The following TCEA1 variants were observed in gnomAD, a reference collection of about 807,000 sequenced individuals.
TCEA1 encodes the protein transcription elongation factor A1.
In TCEA1, 21 loss-of-function variants were observed where a neutral mutation model predicts 43.8. The observed-to-expected ratio is 0.48, with a 90% CI of 0.34 to 0.69. The LOEUF (loss-of-function observed/expected upper bound fraction) is 0.69, where lower values mean the gene tolerates loss of function less well. Among genes scored for constraint, TCEA1 ranks in the 30% least tolerant of loss-of-function variants. TCEA1 has a pLI of 0.01. For missense variants in TCEA1, 250 were observed against 365.1 expected, an observed-to-expected ratio of 0.68 and a Z score of 2.57; for synonymous variants, 104 against 117.5, an observed-to-expected ratio of 0.88 and a Z score of 0.75.
Position 53,987,043 on chromosome 8 carries a change from G to T in TCEA1, c.467-18C>A. The T allele has an allele frequency of 6.3e-7, 1 of 1,575,562 alleles. No individual in the cohort carries two copies. The highest frequency in any genetic ancestry group is 8.6e-7 in the Non-Finnish European group (1 of 1,161,630). On this transcript the variant is annotated intron_variant, in intron 5 of 9. Coordinates refer to ENST00000521604, the MANE Select transcript of TCEA1 (RefSeq NM_006756.4). The stretch of plus-strand genomic sequence containing the variant: ...GTAGTCATCTAAAAATAGGCATAAA[G>T]AATTGTCAAATTATTGTAACAGATT...
intron 1 of TCEA1, among the ~76,000 whole-genome samples, chr8:54,016,748 G>A (rs1327763086): frequency 6.6e-6 from 1 of 152,070 alleles, no homozygotes; most frequent in African/African-American, 2.4e-5. Context: ...GGCCAAGACA[G>A]GCGGATTATG....
chr8:53,998,997 G>A (rs747920862), intron 3 of TCEA1, among the ~76,000 whole-genome samples: 2 of 152,162 alleles, frequency 1.3e-5, no homozygotes, highest in Non-Finnish European at 2.9e-5. Context: ...GGGAGGCCAA[G>A]GCGGGCAGAT....
At chr8:53,968,744 T>G (rs1343823703) in intron 9 of TCEA1, among the ~76,000 whole-genome samples, 1 of 151,900 alleles carries the variant, frequency 6.6e-6, no homozygotes, top group Admixed American at 6.6e-5. Flanking sequence ...CAGGGGAATC[T>G]CTTGAACCCG....
At chr8:53,968,762 A>C (rs1031240298) in intron 9 of TCEA1, among the ~76,000 whole-genome samples, 2 of 152,242 alleles carry the variant, frequency 1.3e-5, no homozygotes, top group Admixed American at 6.5e-5. Context: ...CCGGGGCCAC[A>C]GAACAAGACT....
chr8:54,015,886 C>A (rs1033038401), intron 1 of TCEA1, among the ~76,000 whole-genome samples: 14 of 152,162 alleles, frequency 9.2e-5, no homozygotes, highest in Non-Finnish European at 1.9e-4. Context: ...ACATTTATTT[C>A]TCCATAGAAG....
intron 1 of TCEA1, among the ~76,000 whole-genome samples, chr8:54,018,814 A>C (rs1268567943): frequency 6.6e-6 from 1 of 152,228 alleles, no homozygotes; most frequent in Non-Finnish European, 1.5e-5. Context: ...CAGCAAGTTC[A>C]TACTCTTACT....
intron 1 of TCEA1, among the ~76,000 whole-genome samples, chr8:54,013,694 A>AC (rs1586038092): frequency 6.8e-6 from 1 of 147,892 alleles, no homozygotes; most frequent in Non-Finnish European, 1.5e-5. Context: ...AAAAAAAAAA[A>AC]AAAAAAAACA....
chr8:54,006,921 T>G (rs1333483959), intron 2 of TCEA1, among the ~76,000 whole-genome samples: 2 of 151,992 alleles, frequency 1.3e-5, no homozygotes, highest in Non-Finnish European at 2.9e-5. Flanking sequence ...CACTGCAACC[T>G]CCGCCTCCTG....
At chr8:54,017,751 T>A (rs1217473097) in intron 1 of TCEA1, among the ~76,000 whole-genome samples, 1 of 152,128 alleles carries the variant, frequency 6.6e-6, no homozygotes, top group Non-Finnish European at 1.5e-5. Context: ...TAAAATCCCA[T>A]CTCTACTAAA....
At chr8:53,974,373 T>G (rs561000981) in intron 8 of TCEA1, among the ~76,000 whole-genome samples, 1 of 152,254 alleles carries the variant, frequency 6.6e-6, no homozygotes, top group Non-Finnish European at 1.5e-5. Flanking sequence ...TAATTGTGGA[T>G]GACTGACAAA....
chr8:54,016,839 T>A (rs1804843474), intron 1 of TCEA1, among the ~76,000 whole-genome samples: 2 of 151,786 alleles, frequency 1.3e-5, no homozygotes, highest in Non-Finnish European at 2.9e-5. Flanking sequence ...CCGGGTGTGG[T>A]GGTGCGCGCC....
rs1804203827 is a variant in TCEA1 at position 53,999,969 on chromosome 8, TGAGA to T, written c.204_207del (p.Leu69SerfsTer8). On this transcript the variant is annotated frameshift_variant, in exon 3 of 10. Transcript: ENST00000521604. LOFTEE classifies it high-confidence loss of function. ...CCTAATAATTTTTTCCAGGATTTGATGAGAGACTTTGCCAAAGATGTAACTTCCT... is the reference window on the plus strand; with the variant it reads ...CCTAATAATTTTTTCCAGGATTTGATGACTTTGCCAAAGATGTAACTTCCT... The T allele has an allele frequency of 1.3e-6, 2 of 1,597,928 alleles. No homozygotes were observed. Among genetic ancestry groups the T allele is most frequent in the African/African-American group, 1.3e-5 (1 of 74,772 alleles).
intron 1 of TCEA1, among the ~76,000 whole-genome samples, chr8:54,016,160 C>T (rs1016931871): frequency 6.6e-6 from 1 of 152,176 alleles, no homozygotes; most frequent in East Asian, 1.9e-4. Flanking sequence ...AATTATTCTC[C>T]GAGGTATACA....
At chr8:53,987,799 T>C (rs1586005572) in intron 5 of TCEA1, among the ~76,000 whole-genome samples, 1 of 152,184 alleles carries the variant, frequency 6.6e-6, no homozygotes, top group Non-Finnish European at 1.5e-5. Flanking sequence ...TCAGGGTATG[T>C]AGTTTGCAGA....
rs1803008300 is a variant in TCEA1, at chr8:53,967,092, T to A, written c.*1012A>T. On this transcript the variant is annotated 3_prime_UTR_variant, in exon 10 of 10. Coordinates refer to ENST00000521604, the MANE Select transcript of TCEA1 (RefSeq NM_006756.4). ...ACAATCTCACTCATGACAGAAAAAG[T>A]CAGCAAATAAGACTTGGGACAAAAT... 1 of 212,840 alleles carries A rather than the reference T, an allele frequency of 4.7e-6. No individual in the cohort carries two copies. Among genetic ancestry groups the A allele is most frequent in the Admixed American group, 5.9e-5 (1 of 17,082 alleles). 13.2% of individuals were successfully genotyped at this position (212,840 alleles called of 1,614,324 possible). A position where few individuals can be genotyped will look rare whatever the true frequency, so the allele number is the denominator to read the frequency against.
At chr8:54,001,222 G>C (rs898906302) in intron 2 of TCEA1, among the ~76,000 whole-genome samples, 1 of 152,032 alleles carries the variant, frequency 6.6e-6, no homozygotes, top group Non-Finnish European at 1.5e-5. Flanking sequence ...GTTGTTAACA[G>C]ACAATATTTC....
chr8:54,009,470 A>G (rs1330422541), intron 2 of TCEA1, among the ~76,000 whole-genome samples: 1 of 152,228 alleles, frequency 6.6e-6, no homozygotes, highest in Non-Finnish European at 1.5e-5. Flanking sequence ...ATGTATATAC[A>G]CAATGAAATA....
intron 9 of TCEA1, 148 bp from the exon 10 acceptor site, chr8:53,968,260 T>A: frequency 3.6e-6 from 2 of 562,422 alleles, no homozygotes; most frequent in Non-Finnish European, 5.9e-6. Flanking sequence ...TAATCACCTA[T>A]CTTAAGTGCC....
At chr8:53,986,541 A>C (rs6983958) in intron 6 of TCEA1, among the ~76,000 whole-genome samples, 24,865 of 152,138 alleles carry the variant, frequency 0.16, 5,735 homozygotes, top group African/African-American at 0.52. Flanking sequence ...TGTATTTTGT[A>C]ATCTCTTCTA....
Sources: allele counts gnomAD v4.1 joint callset (sites outside exome capture counted in the v4.1 genomes callset), GRCh38; gene constraint gnomAD v4.1.1; transcripts MANE v1.5; gene names NCBI Gene and HGNC (gene_info 2026-07-23, HGNC 2026-07-21).